Variants in MLX observed in about 807,000 individuals in gnomAD.
MLX encodes the protein MAX dimerization protein MLX.
MLX carries 15 observed loss-of-function variants against 33.0 expected under a neutral mutation model. The ratio of observed to expected loss-of-function variants is 0.45; its 90% CI spans 0.30 to 0.70. MLX has a LOEUF of 0.70. MLX is among the 30% of genes least tolerant of loss of function. The pLI is 0.07. For synonymous variants in MLX, 115 were observed against 115.6 expected (o/e 0.99, Z 0.03); for missense variants, 285 against 306.3 (o/e 0.93, Z 0.52).
chr17:42,567,666 G>C lies in MLX; in HGVS notation c.79+11G>C, dbSNP rs778109988. 6.2e-7 allele frequency: 1 copy of C among 1,614,132 alleles called. No homozygotes were observed. Among genetic ancestry groups the C allele is most frequent in the Non-Finnish European group, 8.5e-7 (1 of 1,180,002 alleles). On this transcript the variant is annotated intron_variant, in intron 2 of 7. Coordinates refer to ENST00000435881, the MANE Select transcript of MLX (RefSeq NM_198204.2). Reference sequence around the variant, plus strand: ...ACAGCCTGGACCCCGGTGAGTAGCTGCCCCATCTTAAGCTCTAGAGGGACA... The same window carrying C: ...ACAGCCTGGACCCCGGTGAGTAGCTCCCCCATCTTAAGCTCTAGAGGGACA...
chr17:42,571,457 A>T, intron 7 of MLX, 90 bp from the exon 8 acceptor site: 2 of 1,409,818 alleles, frequency 1.4e-6, no homozygotes, highest in Non-Finnish European at 2.0e-6. Context: ...GCACTTTTCT[A>T]AAGTACATGG....
In MLX at chr17:42,567,148, C is replaced by T. The variant is rs1049617492; in HGVS notation, c.24C>T (p.Pro8=). 10 of 1,267,644 alleles carry T rather than the reference C, an allele frequency of 7.9e-6. No homozygotes were observed. The highest frequency in any genetic ancestry group is 3.7e-5 in the Admixed American group (1 of 27,134). 78.5% of individuals were successfully genotyped at this position (1,267,644 alleles called of 1,614,324 possible). Residue 8 remains proline, a synonymous_variant, in exon 1 of 8, where the codon CCC becomes CCT. Transcript: ENST00000435881. ...AGATGACGGAGCCGGGCGCCTCTCC[C>T]GAGGACCCTTGGGTCAAGGCAAGCC... MTEPGAS[P]EDPWVKVEYA...
rs956068670 is a variant in MLX, at chr17:42,572,703, G to A, written c.*1100G>A. On this transcript the variant is annotated 3_prime_UTR_variant, in exon 8 of 8. Transcript: ENST00000435881. ...TAAATTATAATAAATATTGCCAAAT[G>A]CTTTCCTTTAGCATTGTTCCAAGTC... is the stretch of plus-strand genomic sequence containing the variant. 8.2e-5 allele frequency: 45 copies of A among 549,758 alleles called. No individual in the cohort carries two copies. Among genetic ancestry groups the A allele is most frequent in the Admixed American group, 7.9e-4 (36 of 45,600 alleles). The allele number at this position is 549,758 out of a possible 1,614,324, so 34.1% of individuals were successfully genotyped here. A position where few individuals can be genotyped will look rare whatever the true frequency, so the allele number is the denominator to read the frequency against.
chr17:42,573,033 C>T lies in MLX; in HGVS notation c.*1430C>T, dbSNP rs2093045332. On this transcript the variant is annotated 3_prime_UTR_variant, in exon 8 of 8. Transcript: ENST00000435881. ...TCTATCCCAACTTCCTCCTGTGAGA[C>T]AGGGAGACAAGTGAATGAGATGTCA... The T allele has an allele frequency of 6.2e-7, 1 of 1,614,098 alleles. No individual in the cohort carries two copies. The highest frequency in any genetic ancestry group is 1.3e-5 in the African/African-American group (1 of 74,936).
At chr17:42,568,387 A>C in intron 2 of MLX, 83 bp from the exon 3 acceptor site, 1 of 894,592 alleles carries the variant, frequency 1.1e-6, no homozygotes. Flanking sequence ...AAATAAAAGA[A>C]AGCCATTGTG....
chr17:42,567,503 G>C, intron 1 of MLX, 116 bp from the exon 2 acceptor site: 1 of 1,551,760 alleles, frequency 6.4e-7, no homozygotes, highest in Non-Finnish European at 8.8e-7. Flanking sequence ...CAAGCGCGCA[G>C]GGTGACAGAG....
chr17:42,567,380 G>A, intron 1 of MLX: 1 of 1,412,594 alleles, frequency 7.1e-7, no homozygotes, highest in South Asian at 1.6e-5. Flanking sequence ...CGGGGCACTG[G>A]GGTGGAGTAG....
chr17:42,570,742 G>A (rs935528038), intron 7 of MLX, among the ~76,000 whole-genome samples: 1 of 151,530 alleles, frequency 6.6e-6, no homozygotes. Flanking sequence ...TGCAACCTCC[G>A]CCTCCCGGGT....
rs888436341 is a variant in MLX at position 42,571,582 on chromosome 17, AT to A, written c.716del (p.Leu239Ter). 2 of 1,614,002 alleles carry A rather than the reference AT, an allele frequency of 1.2e-6. No homozygotes were observed. Among genetic ancestry groups the A allele is most frequent in the Non-Finnish European group, 1.7e-6 (2 of 1,180,010 alleles). On this transcript the variant is annotated frameshift_variant, in exon 8 of 8. Coordinates refer to ENST00000435881, the MANE Select transcript of MLX (RefSeq NM_198204.2). LOFTEE classifies it high-confidence loss of function. ...AGATTGTGATTGGCGTCCTGCACCAATTGAAAAACCAGCTTTACTGACCGGT... is the reference window on the plus strand; with the variant it reads ...AGATTGTGATTGGCGTCCTGCACCAATGAAAAACCAGCTTTACTGACCGGT... ...REIVIGVLHQ[L>X]KNQLY
chr17:42,568,349 C>G (rs1201015203), intron 2 of MLX, 121 bp from the exon 3 acceptor site: 1 of 641,708 alleles, frequency 1.6e-6, no homozygotes, highest in Non-Finnish European at 2.7e-6. Context: ...GGCGACTGAG[C>G]GAGACTCTGT....
At chr17:42,567,475 C>T in intron 1 of MLX, 144 bp from the exon 2 acceptor site, 2 of 1,448,158 alleles carry the variant, frequency 1.4e-6, no homozygotes, top group Non-Finnish European at 1.9e-6. Flanking sequence ...TGCCCGCGCA[C>T]CCCGGGCTGT....
chr17:42,571,956 T>C lies in MLX; in HGVS notation c.*353T>C, dbSNP rs921466174. 6.7e-6 allele frequency: 2 copies of C among 298,700 alleles called. No individual in the cohort carries two copies. Among genetic ancestry groups the C allele is most frequent in the Admixed American group, 4.8e-5 (1 of 21,022 alleles). The allele number at this position is 298,700 out of a possible 1,614,324, so 18.5% of individuals were successfully genotyped here. A position where few individuals can be genotyped will look rare whatever the true frequency, so the allele number is the denominator to read the frequency against. Reference sequence around the variant, plus strand: ...ATTTCTGCTCATGATCTACATAGATTTGGAAACTGTTTTCCTCTGTTTTGG... The same window carrying C: ...ATTTCTGCTCATGATCTACATAGATCTGGAAACTGTTTTCCTCTGTTTTGG... On this transcript the variant is annotated 3_prime_UTR_variant, in exon 8 of 8. Transcript: ENST00000435881.
intron 7 of MLX, 55 bp from the exon 8 acceptor site, chr17:42,571,492 A>C: frequency 6.3e-7 from 1 of 1,582,950 alleles, no homozygotes; most frequent in African/African-American, 1.3e-5. Flanking sequence ...CATCTTGGAA[A>C]CTACTCTGCG....
At chr17:42,568,592 G>GATGTTA in intron 3 of MLX, 33 bp downstream of exon 3, 1 of 1,566,618 alleles carries the variant, frequency 6.4e-7, no homozygotes, top group Non-Finnish European at 8.8e-7. Context: ...ACCTCGGGGG[G>GATGTTA]CTCAGATATG....
intron 2 of MLX, chr17:42,567,886 A>G (rs552801044): frequency 1.7e-6 from 1 of 593,988 alleles, no homozygotes; most frequent in Non-Finnish European, 3.0e-6. Context: ...CACTCAGTGG[A>G]GCAGCTGATC....
At chr17:42,571,501 C>T (rs62075859) in intron 7 of MLX, 46 bp from the exon 8 acceptor site, 13 of 1,596,008 alleles carry the variant, frequency 8.1e-6, no homozygotes, top group Middle Eastern at 1.7e-4. Flanking sequence ...AACTACTCTG[C>T]GTTGACTTGG....
intron 3 of MLX, 45 bp downstream of exon 3, chr17:42,568,604 C>A: frequency 6.5e-7 from 1 of 1,545,964 alleles, no homozygotes; most frequent in South Asian, 1.1e-5. Context: ...TCAGATATGT[C>A]ATAATTGTAG....
intron 7 of MLX, 68 bp from the exon 8 acceptor site, chr17:42,571,479 A>C (rs1030602524): frequency 5.3e-6 from 8 of 1,517,926 alleles, no homozygotes; most frequent in Non-Finnish European, 7.3e-6. Context: ...TGATCTAGGC[A>C]GGCATCTTGG....
chr17:42,571,503 T>G, intron 7 of MLX, 44 bp from the exon 8 acceptor site: 1 of 1,603,538 alleles, frequency 6.2e-7, no homozygotes, highest in Non-Finnish European at 8.5e-7. Flanking sequence ...CTACTCTGCG[T>G]TGACTTGGGC....
Sources: gnomAD v4.1 joint callset for allele counts (sites outside exome capture counted in the v4.1 genomes callset) on GRCh38, gnomAD v4.1.1 for gene constraint, MANE v1.5 for transcripts, NCBI Gene and HGNC (gene_info 2026-07-23, HGNC 2026-07-21) for gene names.